Variants in RAD54B observed in about 807,000 individuals in gnomAD.
The protein encoded by RAD54B is DNA repair and recombination protein RAD54B.
A neutral mutation model predicts 95.8 loss-of-function variants in RAD54B; 78 were observed. That is an observed-to-expected ratio of 0.81 (90% CI 0.68 to 0.98). The LOEUF (loss-of-function observed/expected upper bound fraction) is 0.98, where lower values mean the gene tolerates loss of function less well. Among genes scored for constraint, RAD54B ranks in the 50% least tolerant of loss-of-function variants. RAD54B has a pLI of 0.00. For missense variants in RAD54B, 957 were observed against 1,056.6 expected, an observed-to-expected ratio of 0.91 and a Z score of 1.31; for synonymous variants, 328 against 354.9, an observed-to-expected ratio of 0.92 and a Z score of 0.85.
chr8:94,457,567 G>A (rs1812805769), intron 3 of RAD54B, among the ~76,000 whole-genome samples: 1 of 152,166 alleles, frequency 6.6e-6, no homozygotes, highest in South Asian at 2.1e-4. Flanking sequence ...ATTTGCACTG[G>A]TATCATAAGG....
chr8:94,424,475 T>C (rs999265034), intron 3 of RAD54B, among the ~76,000 whole-genome samples: 1 of 152,200 alleles, frequency 6.6e-6, no homozygotes, highest in African/African-American at 2.4e-5. Flanking sequence ...TTTAAAATTA[T>C]GTAGGCCATA....
Position 94,385,597 on chromosome 8 carries a change from CTTG to C in RAD54B, c.1985+1384_1985+1386del, listed in dbSNP as rs377005359. 5.9e-5 allele frequency among the ~76,000 whole-genome samples: 9 copies of C among 152,154 alleles called. No individual in the cohort carries two copies. In the East Asian group the frequency reaches 1.2e-3, roughly 20 times the overall value. On this transcript the variant is annotated intron_variant, in intron 11 of 14. Transcript: ENST00000336148. Reference sequence around the variant, plus strand: ...ATAGGAGAAAGCATGAGAGCTGAGTCTTGTTGTTGTTGTTGTTATTTTGTAGAA... The same window carrying C: ...ATAGGAGAAAGCATGAGAGCTGAGTCTTGTTGTTGTTGTTATTTTGTAGAA...
At chr8:94,392,862 G>T (rs1811056692) in intron 9 of RAD54B, among the ~76,000 whole-genome samples, 1 of 146,036 alleles carries the variant, frequency 6.8e-6, no homozygotes, top group Non-Finnish European at 1.5e-5. Context: ...TTTTGAGATG[G>T]AGTTTCACTC....
At chr8:94,465,501 A>T (rs916400536) in intron 2 of RAD54B, among the ~76,000 whole-genome samples, 2 of 152,248 alleles carry the variant, frequency 1.3e-5, no homozygotes, top group Admixed American at 1.3e-4. Flanking sequence ...AAAATTTTTT[A>T]AATGGAAAAT....
intron 3 of RAD54B, among the ~76,000 whole-genome samples, chr8:94,427,346 T>C (rs1426948168): frequency 6.6e-6 from 1 of 152,036 alleles, no homozygotes; most frequent in Admixed American, 6.6e-5. Context: ...TTAATCAATA[T>C]AAAAGATTTA....
chr8:94,465,583 T>C (rs1015892746), intron 2 of RAD54B, among the ~76,000 whole-genome samples: 1 of 152,198 alleles, frequency 6.6e-6, no homozygotes, highest in African/African-American at 2.4e-5. Context: ...ATGGTACAGC[T>C]ATGAAAAACA....
chr8:94,376,874 G>T (rs1334683367), intron 14 of RAD54B, among the ~76,000 whole-genome samples: 4 of 151,330 alleles, frequency 2.6e-5, no homozygotes, highest in Non-Finnish European at 5.9e-5. Context: ...CCATAGAAGA[G>T]AAACATTTAT....
chr8:94,413,967 C>G (rs1350964488), intron 3 of RAD54B, among the ~76,000 whole-genome samples: 5 of 151,520 alleles, frequency 3.3e-5, no homozygotes. Context: ...TCCCACGTAG[C>G]TGAGATTACA....
intron 3 of RAD54B, among the ~76,000 whole-genome samples, chr8:94,419,320 C>T (rs1282739852): frequency 6.6e-6 from 1 of 152,028 alleles, no homozygotes; most frequent in Non-Finnish European, 1.5e-5. Flanking sequence ...CCAGCCTGAC[C>T]AACATGGTGA....
intron 3 of RAD54B, chr8:94,429,842 A>T (rs1456094156): frequency 1.0e-6 from 1 of 985,262 alleles, no homozygotes; most frequent in African/African-American, 1.7e-5. Context: ...CTAAAATAGT[A>T]CCTTGAGTTC....
At chr8:94,402,216 T>C (rs987140563) in intron 6 of RAD54B, among the ~76,000 whole-genome samples, 1 of 152,116 alleles carries the variant, frequency 6.6e-6, no homozygotes, top group Non-Finnish European at 1.5e-5. Context: ...AAGCATAATT[T>C]ATCTGTGAAA....
intron 3 of RAD54B, chr8:94,436,881 AT>A: frequency 6.7e-7 from 1 of 1,498,340 alleles, no homozygotes; most frequent in Non-Finnish European, 8.9e-7. Flanking sequence ...TTCTTTTCAA[AT>A]TAAGTAGGCA....
In RAD54B at chr8:94,467,418, A is replaced by G. The variant is rs777405675; in HGVS notation, c.122T>C (p.Ile41Thr). 5.0e-6 allele frequency: 8 copies of G among 1,607,946 alleles called. No homozygotes were observed. The South Asian group carries it at 7.8e-5, about 16-fold the overall frequency. ...TTTTTGCCTTACCTCAAATAATTTT[A>G]TATCTGGATTCAGTTTTGTAATCTC... ...NEEITKLNPD[I>T]KLFEGVAINN... is the part of the protein sequence containing the mutation. Residue 41 changes from isoleucine (I) to threonine (T), a missense_variant, in exon 2 of 15, where the codon ATA (isoleucine) becomes ACA (threonine). Transcript: ENST00000336148.
In RAD54B at chr8:94,462,342, C is replaced by T. The variant is rs911478468; in HGVS notation, c.136-3906G>A. ...TCCTATTTCCTCATTGAACATTTAC[C>T]CACTAGTTTTGGCATCCATTGAGAC... On this transcript the variant is annotated intron_variant, in intron 2 of 14. Transcript: ENST00000336148. Among the ~76,000 whole-genome samples, 7 of 152,164 alleles carry T rather than the reference C, an allele frequency of 4.6e-5. No homozygotes were observed. In the South Asian group the frequency reaches 1.5e-3, roughly 32 times the overall value.
chr8:94,454,766 C>T (rs1027557627), intron 3 of RAD54B, among the ~76,000 whole-genome samples: 2 of 152,136 alleles, frequency 1.3e-5, no homozygotes, highest in African/African-American at 4.8e-5. Flanking sequence ...AGGCAGCTAT[C>T]CAAAAGATCT....
At chr8:94,399,975 C>T (rs1462256692) in intron 7 of RAD54B, among the ~76,000 whole-genome samples, 4 of 150,948 alleles carry the variant, frequency 2.6e-5, no homozygotes, top group Admixed American at 1.3e-4. Flanking sequence ...AATCTCATCA[C>T]GTGGCTCTAC....
Position 94,399,501 on chromosome 8 carries a change from C to T in RAD54B, c.1291G>A (p.Asp431Asn). 1.9e-6 allele frequency: 3 copies of T among 1,613,580 alleles called. No individual in the cohort carries two copies. The highest frequency in any genetic ancestry group is 2.5e-6 in the Non-Finnish European group (3 of 1,179,708). Residue 431 changes from aspartate to asparagine, a missense_variant, in exon 8 of 15, where the codon GAC becomes AAC. Transcript: ENST00000336148. ...KNIKFDLLIC[D>N]EGHRLKNSAI... ...CTGTTCTTCAAACGATGCCCCTCGT[C>T]ACAGATTAGAAGATCAAATTTTATA... is the stretch of plus-strand genomic sequence containing the variant.
intron 3 of RAD54B, among the ~76,000 whole-genome samples, chr8:94,452,301 A>G (rs1033224747): frequency 6.6e-5 from 10 of 152,220 alleles, no homozygotes; most frequent in Middle Eastern, 3.2e-3. Context: ...CAGTGTTAAT[A>G]TCCTGATTTT....
chr8:94,383,465 G>A (rs1333510311), intron 11 of RAD54B, among the ~76,000 whole-genome samples: 1 of 152,098 alleles, frequency 6.6e-6, no homozygotes, highest in Non-Finnish European at 1.5e-5. Flanking sequence ...TCAGTTACCT[G>A]CGGTCAACCT....
Sources: allele counts gnomAD v4.1 joint callset (sites outside exome capture counted in the v4.1 genomes callset), GRCh38; gene constraint gnomAD v4.1.1; transcripts MANE v1.5; gene names NCBI Gene and HGNC (gene_info 2026-07-23, HGNC 2026-07-21).